FAM107B: variants seen among roughly 807,000 people sequenced by gnomAD.
The protein encoded by FAM107B is family with sequence similarity 107 member B.
Under a neutral mutation model 31.5 loss-of-function variants are expected in FAM107B, and 21 were observed. The ratio of observed to expected loss-of-function variants is 0.67; its 90% CI spans 0.47 to 0.96. FAM107B has a LOEUF of 0.96. FAM107B is among the 40% of genes least tolerant of loss of function. The probability of loss-of-function intolerance (pLI) is 0.00; values close to 1 mark genes in which losing one functional copy is unlikely to be tolerated. For missense variants in FAM107B, 452 were observed against 377.1 expected (o/e 1.20, Z -1.64); for synonymous variants, 157 against 141.5 (o/e 1.11, Z -0.78).
intron 1 of FAM107B, among the ~76,000 whole-genome samples, chr10:14,733,759 C>T (rs1368132338): frequency 6.6e-6 from 1 of 152,160 alleles, no homozygotes; most frequent in East Asian, 1.9e-4. Flanking sequence ...CAAGATGAAA[C>T]AGTGAGTAAA....
intron 1 of FAM107B, among the ~76,000 whole-genome samples, chr10:14,772,886 G>A (rs530958920): frequency 4.6e-5 from 7 of 152,232 alleles, no homozygotes; most frequent in South Asian, 4.1e-4. Flanking sequence ...TTGTTCTTGC[G>A]GCTGTCTTCA....
At chr10:14,521,825 A>T in intron 4 of FAM107B, 44 bp downstream of exon 4, 1 of 1,601,042 alleles carries the variant, frequency 6.2e-7, no homozygotes, top group Middle Eastern at 1.7e-4. Context: ...AACATTCTTC[A>T]AGACAAAAAC....
chr10:14,699,457 C>T (rs1230288442), intron 1 of FAM107B, among the ~76,000 whole-genome samples: 5 of 151,994 alleles, frequency 3.3e-5, no homozygotes, highest in African/African-American at 4.8e-5. Flanking sequence ...GCCCAAAGGC[C>T]GGAGAACCAG....
At chr10:14,749,218 C>T (rs552495865) in intron 1 of FAM107B, among the ~76,000 whole-genome samples, 3 of 152,188 alleles carry the variant, frequency 2.0e-5, no homozygotes, top group East Asian at 3.9e-4. Context: ...GGAAACAATG[C>T]CACTTAGAAG....
At chr10:14,737,182 C>T (rs1856319564) in intron 1 of FAM107B, among the ~76,000 whole-genome samples, 1 of 151,916 alleles carries the variant, frequency 6.6e-6, no homozygotes, top group African/African-American at 2.4e-5. Flanking sequence ...TTACAGTGGG[C>T]TCTTTTGTTA....
intron 2 of FAM107B, among the ~76,000 whole-genome samples, chr10:14,656,306 G>A (rs1205967608): frequency 6.6e-6 from 1 of 152,182 alleles, no homozygotes; most frequent in East Asian, 1.9e-4. Context: ...AACTTCCAGG[G>A]CCAAAATTTC....
intron 2 of FAM107B, among the ~76,000 whole-genome samples, chr10:14,655,678 T>C (rs1391853202): frequency 6.6e-6 from 1 of 152,112 alleles, no homozygotes; most frequent in Non-Finnish European, 1.5e-5. Context: ...AAGCAGTTCA[T>C]ATGTGAAGGG....
At chr10:14,656,550 T>A (rs7922166) in intron 2 of FAM107B, among the ~76,000 whole-genome samples, 142,368 of 152,254 alleles carry the variant, frequency 0.94, 66,799 homozygotes, top group African/African-American at 0.97. Flanking sequence ...ATACAAGTTC[T>A]TCTTTTTATA....
At chr10:14,578,873 G>A (rs1851545233) in intron 2 of FAM107B, among the ~76,000 whole-genome samples, 1 of 152,156 alleles carries the variant, frequency 6.6e-6, no homozygotes, top group Non-Finnish European at 1.5e-5. Flanking sequence ...CTCACCTGTG[G>A]TTTATCACTA....
intron 1 of FAM107B, among the ~76,000 whole-genome samples, chr10:14,758,305 T>C (rs1171755601): frequency 1.3e-5 from 2 of 152,166 alleles, no homozygotes; most frequent in African/African-American, 4.8e-5. Context: ...AGCTGTTGCA[T>C]GATGCTGACT....
chr10:14,773,942 T>TA lies in FAM107B; in HGVS notation c.411+310dup, dbSNP rs1833361735. ...TAGAAAAAGGAAAAAAATGTTTTTG[T>TA]AAACTATCTTACTCCTAATCTGTTA... On this transcript the variant is annotated intron_variant, in intron 1 of 4. Coordinates refer to ENST00000181796, the MANE Select transcript of FAM107B (RefSeq NM_031453.4). Among the ~76,000 whole-genome samples the TA allele has an allele frequency of 2.6e-5, 4 of 152,326 alleles. No individual in the cohort carries two copies. The South Asian group carries it at 8.3e-4, about 32-fold the overall frequency.
chr10:14,544,740 G>A (rs984914247), intron 2 of FAM107B, among the ~76,000 whole-genome samples: 8 of 149,992 alleles, frequency 5.3e-5, no homozygotes, highest in Non-Finnish European at 3.0e-5. Context: ...CTATGATAGC[G>A]GAAAAAATGG....
intron 2 of FAM107B, among the ~76,000 whole-genome samples, chr10:14,653,572 ATG>A (rs201203824): frequency 0.011 from 1,613 of 152,290 alleles, 18 homozygotes; most frequent in Middle Eastern, 0.034. Context: ...CTGTGCCATC[ATG>A]GTGCAAGCTA....
At chr10:14,524,198 C>T (rs1047365585) in intron 3 of FAM107B, among the ~76,000 whole-genome samples, 1 of 152,038 alleles carries the variant, frequency 6.6e-6, no homozygotes, top group Non-Finnish European at 1.5e-5. Context: ...CCCGCAACCA[C>T]GACCGGATAA....
At chr10:14,587,158 T>C (rs894141973) in intron 2 of FAM107B, among the ~76,000 whole-genome samples, 1 of 152,182 alleles carries the variant, frequency 6.6e-6, no homozygotes, top group African/African-American at 2.4e-5. Flanking sequence ...AAACTTGAAC[T>C]CACCAAGATA....
chr10:14,699,477 T>C (rs1855345421), intron 1 of FAM107B, among the ~76,000 whole-genome samples: 1 of 152,156 alleles, frequency 6.6e-6, no homozygotes, highest in African/African-American at 2.4e-5. Flanking sequence ...GGAACACTGA[T>C]GCTCAAGGGC....
intron 2 of FAM107B, chr10:14,571,814 T>C (rs1207367610): frequency 5.1e-6 from 5 of 985,332 alleles, no homozygotes; most frequent in Non-Finnish European, 6.0e-6. Context: ...TTCAAGGTGG[T>C]GAAAAATCAT....
At chr10:14,625,054 G>A (rs952447132) in intron 2 of FAM107B, among the ~76,000 whole-genome samples, 23 of 151,988 alleles carry the variant, frequency 1.5e-4, no homozygotes, top group Middle Eastern at 3.4e-3. Flanking sequence ...GTGAAATCCC[G>A]TCTCTACTAA....
chr10:14,562,325 T>C (rs1463935690), intron 2 of FAM107B, among the ~76,000 whole-genome samples: 2 of 152,164 alleles, frequency 1.3e-5, no homozygotes, highest in East Asian at 1.9e-4. Flanking sequence ...TCCTAAACAG[T>C]CTTGGGAGAG....
Sources: allele counts gnomAD v4.1 joint callset (sites outside exome capture counted in the v4.1 genomes callset), GRCh38; gene constraint gnomAD v4.1.1; transcripts MANE v1.5; gene names NCBI Gene and HGNC (gene_info 2026-07-23, HGNC 2026-07-21).